HPS5: variants seen among roughly 807,000 people sequenced by gnomAD.
HPS5 encodes the protein BLOC-2 complex member HPS5.
Under a neutral mutation model 128.0 loss-of-function variants are expected in HPS5, and 83 were observed. That is an observed-to-expected ratio of 0.65 (90% confidence interval 0.54 to 0.78). HPS5 has a LOEUF of 0.78. HPS5 is among the 30% of genes least tolerant of loss of function. The pLI is 0.00. For synonymous variants in HPS5, 475 were observed against 470.2 expected (o/e 1.01, Z -0.13); for missense variants, 1,281 against 1,326.2 (o/e 0.97, Z 0.53).
intron 14 of HPS5, among the ~76,000 whole-genome samples, chr11:18,293,622 A>G (rs1860713365): frequency 6.6e-6 from 1 of 152,256 alleles, no homozygotes; most frequent in South Asian, 2.1e-4. Context: ...AATTTAAAAA[A>G]AGAGTAAGTT....
intron 19 of HPS5, 138 bp downstream of exon 19, chr11:18,286,453 A>C: frequency 1.2e-6 from 1 of 801,416 alleles, no homozygotes; most frequent in South Asian, 1.7e-5. Context: ...TGAAGGGTTT[A>C]ATCACCTGAG....
At chr11:18,311,306 T>G in intron 4 of HPS5, 81 bp downstream of exon 4, 2 of 1,001,546 alleles carry the variant, frequency 2.0e-6, no homozygotes. Context: ...CAAACCAGGA[T>G]GGTTGGTCAC....
chr11:18,306,405 C>T (rs565341842), intron 6 of HPS5, 58 bp from the exon 7 acceptor site: 32 of 1,194,650 alleles, frequency 2.7e-5, no homozygotes, highest in Middle Eastern at 4.0e-4. Flanking sequence ...TCAAAAACAA[C>T]GGCACTACAA....
Position 18,308,951 on chromosome 11 carries a change from A to G in HPS5, c.606T>C (p.Thr202=), listed in dbSNP as rs1019308046. ...CTAATGGTTGGTCAATATACCTCTC[A>G]GTGTCACACAAGAAGGATCGAGTAA... The part of the protein sequence containing the change: ...SSLTRSFLCD[T]EREKFWKIGN... Residue 202 remains threonine, a synonymous_variant, in exon 6 of 23, where the codon ACT becomes ACC. Transcript: ENST00000349215. The G allele has an allele frequency of 3.1e-6, 5 of 1,614,004 alleles. No homozygotes were observed. The highest frequency in any genetic ancestry group is 4.2e-6 in the Non-Finnish European group (5 of 1,179,972).
intron 2 of HPS5, among the ~76,000 whole-genome samples, chr11:18,315,552 G>A (rs1787452562): frequency 6.6e-6 from 1 of 151,950 alleles, no homozygotes; most frequent in African/African-American, 2.4e-5. Context: ...AGTGGAGGTT[G>A]CAGTAAGCCA....
At chr11:18,305,732 CTTT>C (rs11345742) in intron 7 of HPS5, among the ~76,000 whole-genome samples, 16 of 119,912 alleles carry the variant, frequency 1.3e-4, no homozygotes, top group African/African-American at 1.3e-4. Context: ...AGAATAAAAT[CTTT>C]TTTTTTTTTT....
In HPS5 at chr11:18,297,703, C is replaced by CA. The variant is rs745444173; in HGVS notation, c.1178dup (p.Leu393PhefsTer5). The stretch of plus-strand genomic sequence containing the variant: ...TCAAATGCTCCAATTTATCTGCAGT[C>CA]AAAGTTTTTCTTGCCTAATAAAACA... On this transcript the variant is annotated frameshift_variant, in exon 11 of 23. Transcript: ENST00000349215. LOFTEE classifies it high-confidence loss of function. 40 of 1,613,844 alleles carry CA rather than the reference C, an allele frequency of 2.5e-5. No individual in the cohort carries two copies. Among genetic ancestry groups the CA allele is most frequent in the Non-Finnish European group, 1.7e-6 (2 of 1,179,934 alleles).
At chr11:18,296,186 T>A in intron 12 of HPS5, 64 bp from the exon 13 acceptor site, 1 of 1,549,216 alleles carries the variant, frequency 6.5e-7, no homozygotes, top group Admixed American at 1.7e-5. Flanking sequence ...TTTTAATCTT[T>A]AAAAAAATTC....
In HPS5 at chr11:18,296,447, C is replaced by T. The variant is rs930405599; in HGVS notation, c.1511-325G>A. ...ACATCGAAAAAGGAAGGCAATGACC[C>T]CCAAAAACTGCAGTAATTTTTCAAT... On this transcript the variant is annotated intron_variant, in intron 12 of 22. Transcript: ENST00000349215. 5.4e-6 allele frequency: 3 copies of T among 552,514 alleles called. 1 individual carries two copies. The East Asian group carries it at 9.3e-5, about 17-fold the overall frequency. The allele number at this position is 552,514 out of a possible 1,614,324, so 34.2% of individuals were successfully genotyped here.
rs762501695 is a variant in HPS5, at chr11:18,286,656, C to G, written c.2772G>C (p.Leu924=). Residue 924 remains leucine, a synonymous_variant, in exon 19 of 23, where the codon CTG becomes CTC. Coordinates refer to ENST00000349215, the MANE Select transcript of HPS5 (RefSeq NM_181507.2). ...GAGCATCAAGGGACACTGCCAAAAGCAGCCAATCCAACCTTAAAGACTCTG... is the reference window on the plus strand; with the variant it reads ...GAGCATCAAGGGACACTGCCAAAAGGAGCCAATCCAACCTTAAAGACTCTG... ...LQPESLRLDW[L]LLAVSLDAPP... 2.5e-6 allele frequency: 4 copies of G among 1,614,062 alleles called. No individual in the cohort carries two copies. The Admixed American group carries it at 6.7e-5, about 27-fold the overall frequency.
At chr11:18,292,868 C>A (rs377245178) in intron 15 of HPS5, 31 bp downstream of exon 15, 127 of 1,516,544 alleles carry the variant, frequency 8.4e-5, no homozygotes, top group Non-Finnish European at 1.1e-4. Context: ...TGCCTTGAGA[C>A]GTCACTATAA....
intron 15 of HPS5, 66 bp from the exon 16 acceptor site, chr11:18,292,085 G>T: frequency 8.0e-7 from 1 of 1,247,762 alleles, no homozygotes; most frequent in Non-Finnish European, 1.2e-6. Context: ...ATTAATTCAT[G>T]CTAATAAATT....
In HPS5 at chr11:18,292,015, T is replaced by C; in HGVS notation, c.1867A>G (p.Lys623Glu). 1 of 1,612,986 alleles carries C rather than the reference T, an allele frequency of 6.2e-7. No homozygotes were observed. Among genetic ancestry groups the C allele is most frequent in the Non-Finnish European group, 8.5e-7 (1 of 1,179,066 alleles). Residue 623 changes from lysine to glutamate, a missense_variant, in exon 16 of 23, where the codon AAG (lysine) becomes GAG (glutamate). Coordinates refer to ENST00000349215, the MANE Select transcript of HPS5 (RefSeq NM_181507.2). ...LKVATAEAMT[K>E]LQDPLVLFES... ...AATAAAACCAGAGGGTCCTGTAGCT[T>C]GGTCCTATACAAGACAGACAAGTAT...
rs563113386 is a variant in HPS5 at position 18,298,041 on chromosome 11, T to C, written c.1165-324A>G. 9.4e-4 allele frequency among the ~76,000 whole-genome samples: 142 copies of C among 150,500 alleles called. 1 individual carries two copies. The highest frequency in any genetic ancestry group is 2.9e-3 in the African/African-American group (119 of 40,916). On this transcript the variant is annotated intron_variant, in intron 10 of 22. Coordinates refer to ENST00000349215, the MANE Select transcript of HPS5 (RefSeq NM_181507.2). ...GTTGCAGTGAGCTGAGATCACGCCA[T>C]TGCACTCCACTCCAGCCTGGGGGAC...
chr11:18,320,062 C>T lies in HPS5; in HGVS notation c.-50+1884G>A, dbSNP rs138588112. ...ATGTCCTGGAAGTTATAATATAATGCGGGGGTGTGCAGGGGGACACACCTA... is the reference window on the plus strand; with the variant it reads ...ATGTCCTGGAAGTTATAATATAATGTGGGGGTGTGCAGGGGGACACACCTA... On this transcript the variant is annotated intron_variant, in intron 1 of 22. Transcript: ENST00000349215. Among the ~76,000 whole-genome samples, 818 of 151,536 alleles carry T rather than the reference C, an allele frequency of 5.4e-3. 9 individuals carry two copies. Among genetic ancestry groups the T allele is most frequent in the African/African-American group, 0.019 (785 of 41,292 alleles).
chr11:18,300,696 CAA>C (rs531315010), intron 9 of HPS5, 130 bp downstream of exon 9: 4,401 of 384,524 alleles, frequency 0.011, 1 homozygote, highest in Middle Eastern at 0.025. Flanking sequence ...GACTTAGTCT[CAA>C]AAAAAAAAAA....
chr11:18,292,830 A>C, intron 15 of HPS5, 69 bp downstream of exon 15: 1 of 1,143,722 alleles, frequency 8.7e-7, no homozygotes, highest in Non-Finnish European at 1.3e-6. Flanking sequence ...AAAACTTACA[A>C]TATAATGATT....
chr11:18,291,444 T>C lies in HPS5; in HGVS notation c.2438A>G (p.Lys813Arg), dbSNP rs141346309. 3.2e-5 allele frequency: 51 copies of C among 1,581,678 alleles called. No homozygotes were observed. In the African/African-American group the frequency reaches 6.3e-4, roughly 20 times the overall value. The change falls in exon 16 of 23, where the codon AAA becomes AGA. Residue 813 changes from lysine (K) to arginine (R), a missense_variant and splice_region_variant. Lys to Arg is a conservative substitution (Grantham distance 26). Coordinates refer to ENST00000349215, the MANE Select transcript of HPS5 (RefSeq NM_181507.2). ...TGATAAGGCAATCTGAGTATTACCTTTCAATCCTTCAATAAAAGTATCCCA... is the reference window on the plus strand; with the variant it reads ...TGATAAGGCAATCTGAGTATTACCTCTCAATCCTTCAATAAAAGTATCCCA... ...SVWDTFIEGLKEMASSNPVYM... is the reference protein window; with the variant it reads ...SVWDTFIEGLREMASSNPVYM...
intron 19 of HPS5, among the ~76,000 whole-genome samples, chr11:18,286,088 G>T (rs1379455779): frequency 2.0e-5 from 3 of 152,076 alleles, no homozygotes; most frequent in Non-Finnish European, 4.4e-5. Context: ...ATTCTTATAG[G>T]GTGACCCCAA....
Sources: gnomAD v4.1 joint callset for allele counts (sites outside exome capture counted in the v4.1 genomes callset) on GRCh38, gnomAD v4.1.1 for gene constraint, MANE v1.5 for transcripts, NCBI Gene and HGNC (gene_info 2026-07-23, HGNC 2026-07-21) for gene names.